Variants in ACSS3 observed in about 807,000 individuals in gnomAD.
ACSS3 encodes the protein acyl-CoA synthetase short chain family member 3.
Under a neutral mutation model 84.2 loss-of-function variants are expected in ACSS3, and 64 were observed. The observed-to-expected ratio is 0.76, with a 90% CI of 0.62 to 0.94. ACSS3 has a LOEUF of 0.94. Among genes scored for constraint, ACSS3 ranks in the 40% least tolerant of loss-of-function variants. The pLI is 0.00. For missense variants in ACSS3, 815 were observed against 867.6 expected (o/e 0.94, Z 0.76); for synonymous variants, 317 against 310.1 (o/e 1.02, Z -0.23).
At chr12:81,151,800 T>C (rs1198872382) in intron 5 of ACSS3, 44 bp from the exon 6 acceptor site, 3 of 1,559,092 alleles carry the variant, frequency 1.9e-6, no homozygotes, top group African/African-American at 1.4e-5. Flanking sequence ...AGAGTGTTTT[T>C]ACACATTGTT....
At chr12:81,142,069 T>C (rs908185103) in intron 4 of ACSS3, among the ~76,000 whole-genome samples, 5 of 152,238 alleles carry the variant, frequency 3.3e-5, no homozygotes, top group African/African-American at 4.8e-5. Context: ...CCCTGATTAA[T>C]GTATTAAGCA....
At chr12:81,079,459 T>C (rs1880833708) in intron 1 of ACSS3, among the ~76,000 whole-genome samples, 1 of 152,190 alleles carries the variant, frequency 6.6e-6, no homozygotes, top group Non-Finnish European at 1.5e-5. Context: ...AGTGGACGAA[T>C]GGCTCTGTGG....
At chr12:81,177,152 G>C (rs2030545753) in intron 8 of ACSS3, among the ~76,000 whole-genome samples, 1 of 152,014 alleles carries the variant, frequency 6.6e-6, no homozygotes, top group African/African-American at 2.4e-5. Context: ...GGCATCAAAA[G>C]AACATACCTC....
chr12:81,168,349 T>C (rs1593152810), intron 7 of ACSS3, among the ~76,000 whole-genome samples: 1 of 152,182 alleles, frequency 6.6e-6, no homozygotes, highest in African/African-American at 2.4e-5. Context: ...TTTTTGTTTA[T>C]AGACGCTTAT....
At chr12:81,236,705 T>A (rs2033640728) in intron 13 of ACSS3, among the ~76,000 whole-genome samples, 2 of 151,460 alleles carry the variant, frequency 1.3e-5, no homozygotes, top group Admixed American at 6.6e-5. Flanking sequence ...ATTCTCTTAT[T>A]TCATTCTCCC....
intron 13 of ACSS3, among the ~76,000 whole-genome samples, chr12:81,248,775 G>C (rs976261412): frequency 1.3e-5 from 2 of 151,856 alleles, no homozygotes; most frequent in Non-Finnish European, 2.9e-5. Flanking sequence ...ACCCTGAATT[G>C]ATCATTACAC....
chr12:81,130,720 G>A (rs1885438202), intron 2 of ACSS3, among the ~76,000 whole-genome samples: 1 of 152,164 alleles, frequency 6.6e-6, no homozygotes, highest in African/African-American at 2.4e-5. Flanking sequence ...TGTCCTGAAT[G>A]CTATTACCTA....
At chr12:81,202,753 A>G (rs2032166515) in intron 9 of ACSS3, among the ~76,000 whole-genome samples, 1 of 152,166 alleles carries the variant, frequency 6.6e-6, no homozygotes, top group Non-Finnish European at 1.5e-5. Context: ...AGAAACTGTG[A>G]TGTGTAATTT....
intron 2 of ACSS3, among the ~76,000 whole-genome samples, chr12:81,111,455 G>T (rs927696520): frequency 6.6e-6 from 1 of 152,162 alleles, no homozygotes; most frequent in Admixed American, 6.5e-5. Flanking sequence ...AGAACTGCAC[G>T]ACTTGCAAAA....
At chr12:81,239,639 T>C (rs1283752616) in intron 13 of ACSS3, among the ~76,000 whole-genome samples, 1 of 151,758 alleles carries the variant, frequency 6.6e-6, no homozygotes, top group Non-Finnish European at 1.5e-5. Context: ...GATCTTGTGA[T>C]ACTTATTCAC....
chr12:81,103,877 G>A (rs774567478), intron 1 of ACSS3, among the ~76,000 whole-genome samples: 7 of 152,106 alleles, frequency 4.6e-5, no homozygotes, highest in Non-Finnish European at 8.8e-5. Flanking sequence ...AGACTTTCAT[G>A]AGCAAGTTGC....
At chr12:81,139,578 T>C (rs1225585712) in intron 4 of ACSS3, among the ~76,000 whole-genome samples, 1 of 148,974 alleles carries the variant, frequency 6.7e-6, no homozygotes, top group South Asian at 2.1e-4. Context: ...CTGCTTACCA[T>C]ATGATTTTTA....
chr12:81,228,870 G>C (rs2033359269), intron 11 of ACSS3, among the ~76,000 whole-genome samples: 1 of 151,466 alleles, frequency 6.6e-6, no homozygotes, highest in South Asian at 2.1e-4. Context: ...TGTTTGATTT[G>C]GGGTACATAA....
intron 1 of ACSS3, among the ~76,000 whole-genome samples, chr12:81,100,892 A>G (rs12322664): frequency 1.1e-4 from 16 of 152,180 alleles, no homozygotes; most frequent in African/African-American, 3.9e-4. Flanking sequence ...GCCCTGGGCT[A>G]CAGAAAGCGA....
chr12:81,238,147 G>T (rs117243536), intron 13 of ACSS3, among the ~76,000 whole-genome samples: 278 of 151,778 alleles, frequency 1.8e-3, no homozygotes, highest in Non-Finnish European at 3.5e-3. Flanking sequence ...TCAGCCTATT[G>T]ATGCGATGGA....
intron 1 of ACSS3, chr12:81,094,240 T>A (rs567415211): frequency 3.3e-5 from 5 of 151,638 alleles, no homozygotes; most frequent in East Asian, 1.9e-4. Context: ...GGTAAATTCT[T>A]AGCAGATTTC....
Position 81,154,876 on chromosome 12 carries a change from G to A in ACSS3, c.1098+2780G>A, listed in dbSNP as rs148301676. Among the ~76,000 whole-genome samples the A allele has an allele frequency of 8.6e-5, 13 of 151,950 alleles. No homozygotes were observed. The East Asian group carries it at 2.5e-3, about 29-fold the overall frequency. ...ATGTTCATGTTGTTTCTTTTTTCTG[G>A]TGTGACTTTCCTCCTGTCTTTCCTT... On this transcript the variant is annotated intron_variant, in intron 7 of 15. Transcript: ENST00000548058.
intron 1 of ACSS3, among the ~76,000 whole-genome samples, chr12:81,108,711 C>G (rs1351039558): frequency 6.6e-6 from 1 of 152,114 alleles, no homozygotes; most frequent in Non-Finnish European, 1.5e-5. Flanking sequence ...TTTTTATTTA[C>G]TTCAATATAT....
intron 8 of ACSS3, among the ~76,000 whole-genome samples, chr12:81,196,894 A>G (rs1835683287): frequency 6.6e-6 from 1 of 152,158 alleles, no homozygotes; most frequent in Non-Finnish European, 1.5e-5. Flanking sequence ...CCCCACCTCC[A>G]ATACTGGGGG....
Sources: gnomAD v4.1 joint callset for allele counts (sites outside exome capture counted in the v4.1 genomes callset) on GRCh38, gnomAD v4.1.1 for gene constraint, MANE v1.5 for transcripts, NCBI Gene and HGNC (gene_info 2026-07-23, HGNC 2026-07-21) for gene names.